MAP3K14: variants seen among roughly 807,000 people sequenced by gnomAD.
The protein encoded by MAP3K14 is NF-kappa-beta-inducing kinase.
A neutral mutation model predicts 99.2 loss-of-function variants in MAP3K14; 16 were observed. That is an observed-to-expected ratio of 0.16 (90% confidence interval 0.11 to 0.24). MAP3K14 has a LOEUF of 0.24. Among genes scored for constraint, MAP3K14 ranks in the 10% least tolerant of loss-of-function variants. The pLI, the probability that MAP3K14 is intolerant of heterozygous loss-of-function variation, is 1.00. For missense variants in MAP3K14, 784 were observed against 1,208.7 expected, an observed-to-expected ratio of 0.65 and a Z score of 5.21; for synonymous variants, 462 against 492.4, an observed-to-expected ratio of 0.94 and a Z score of 0.82.
rs1238013658 is a variant in MAP3K14, at chr17:45,304,052, G to A, written c.-21+12908C>T. Among the ~76,000 whole-genome samples, 8 of 128,350 alleles carry A rather than the reference G, an allele frequency of 6.2e-5. No individual in the cohort carries two copies. The South Asian group carries it at 1.4e-3, about 22-fold the overall frequency. The allele number at this position is 128,350 out of a possible 152,430, so 84.2% of individuals were successfully genotyped here. Reference sequence around the variant, plus strand: ...TTTTGAGACGGAGTCTCGCTCTGTCGCCCAGGCTGGAGCGCAGCAGCCCAT... The same window carrying A: ...TTTTGAGACGGAGTCTCGCTCTGTCACCCAGGCTGGAGCGCAGCAGCCCAT... On this transcript the variant is annotated intron_variant, in intron 1 of 15. Transcript: ENST00000344686.
At chr17:45,311,957 G>A (rs1040634674) in intron 1 of MAP3K14, among the ~76,000 whole-genome samples, 4 of 152,088 alleles carry the variant, frequency 2.6e-5, no homozygotes, top group African/African-American at 7.2e-5. Flanking sequence ...TCTGTGCCCC[G>A]TCCACGATCC....
At chr17:45,296,179 C>T (rs181412609) in intron 1 of MAP3K14, among the ~76,000 whole-genome samples, 78 of 152,154 alleles carry the variant, frequency 5.1e-4, no homozygotes, top group African/African-American at 1.8e-3. Context: ...TCTTTTAAGT[C>T]TTCAGCTTGC....
intron 1 of MAP3K14, 21 bp downstream of exon 1, chr17:45,316,939 G>C (rs1015747314): frequency 6.6e-6 from 1 of 152,034 alleles, no homozygotes; most frequent in Non-Finnish European, 1.5e-5. Context: ...CCGGGCCCCA[G>C]GGTCCCGCCC....
chr17:45,271,940 T>C (rs1374842941), intron 9 of MAP3K14, among the ~76,000 whole-genome samples: 1 of 152,230 alleles, frequency 6.6e-6, no homozygotes, highest in African/African-American at 2.4e-5. Flanking sequence ...CGTAAAAGAC[T>C]GAAAGGATAG....
chr17:45,288,323 A>G (rs1248498192), intron 3 of MAP3K14, among the ~76,000 whole-genome samples: 1 of 151,626 alleles, frequency 6.6e-6, no homozygotes, highest in African/African-American at 2.4e-5. Flanking sequence ...CCAAACTCCA[A>G]TGATACAAAA....
At chr17:45,316,577 A>ACGT (rs1345754039) in intron 1 of MAP3K14, among the ~76,000 whole-genome samples, 2 of 152,200 alleles carry the variant, frequency 1.3e-5, no homozygotes, top group Non-Finnish European at 2.9e-5. Flanking sequence ...TGCAGGAGAC[A>ACGT]CGTCCGCCCC....
In MAP3K14 at chr17:45,273,450, G is replaced by T. The variant is rs544735072; in HGVS notation, c.1657+53C>A. The T allele has an allele frequency of 2.1e-4, 283 of 1,351,914 alleles. No individual in the cohort carries two copies. The East Asian group carries it at 6.0e-3, about 29-fold the overall frequency. The allele number at this position is 1,351,914 out of a possible 1,614,324, so 83.7% of individuals were successfully genotyped here. A position where few individuals can be genotyped will look rare whatever the true frequency, so the allele number is the denominator to read the frequency against. On this transcript the variant is annotated intron_variant, in intron 9 of 15. Transcript: ENST00000344686. ...ATTCCCATTCTGGAAAGCATGGAAG[G>T]CATTTGGCGAATGAATGCATTGGGG...
chr17:45,307,273 A>T (rs1302329052), intron 1 of MAP3K14, among the ~76,000 whole-genome samples: 2 of 152,246 alleles, frequency 1.3e-5, no homozygotes, highest in African/African-American at 2.4e-5. Context: ...ATTAAAAAAA[A>T]AAATTAATTA....
At chr17:45,291,316 G>GTGTT (rs916050307) in intron 1 of MAP3K14, among the ~76,000 whole-genome samples, 6 of 152,118 alleles carry the variant, frequency 3.9e-5, no homozygotes, top group Non-Finnish European at 5.9e-5. Context: ...GTGTGTGTGT[G>GTGTT]TGTGTCCTAC....
intron 6 of MAP3K14, among the ~76,000 whole-genome samples, chr17:45,280,740 G>A (rs980451456): frequency 2.0e-5 from 3 of 151,850 alleles, no homozygotes; most frequent in African/African-American, 7.3e-5. Flanking sequence ...CTCCCGAGTA[G>A]TTAGTATTAC....
At chr17:45,282,838 T>C (rs2044234212) in intron 6 of MAP3K14, among the ~76,000 whole-genome samples, 1 of 152,190 alleles carries the variant, frequency 6.6e-6, no homozygotes, top group African/African-American at 2.4e-5. Flanking sequence ...CTCTTCCAGC[T>C]GAAAACCCTA....
chr17:45,265,516 C>A (rs1246333356), intron 14 of MAP3K14, among the ~76,000 whole-genome samples: 2 of 152,234 alleles, frequency 1.3e-5, no homozygotes, highest in African/African-American at 4.8e-5. Context: ...CAGTTCACTG[C>A]AACCTTTACC....
intron 1 of MAP3K14, chr17:45,291,067 C>A (rs2044306441): frequency 3.6e-6 from 1 of 279,400 alleles, no homozygotes; most frequent in Non-Finnish European, 6.9e-6. Context: ...GCACAAATGT[C>A]TGGGTTGGCT....
intron 1 of MAP3K14, among the ~76,000 whole-genome samples, chr17:45,293,367 G>T (rs539865038): frequency 1.4e-4 from 21 of 152,178 alleles, no homozygotes; most frequent in Non-Finnish European, 2.8e-4. Context: ...CTCCAGAGGG[G>T]GTGCAGGGCA....
rs1004905561 is a variant in MAP3K14, at chr17:45,264,227, G to C, written c.*409C>G. ...CCCTTACACACTTGACACTCTCACAGCAGCCTGGAGGGTGAGGGGCCGAGG... is the reference window on the plus strand; with the variant it reads ...CCCTTACACACTTGACACTCTCACACCAGCCTGGAGGGTGAGGGGCCGAGG... On this transcript the variant is annotated 3_prime_UTR_variant, in exon 16 of 16. Coordinates refer to ENST00000344686, the MANE Select transcript of MAP3K14 (RefSeq NM_003954.5). 6 of 170,486 alleles carry C rather than the reference G, an allele frequency of 3.5e-5. No individual in the cohort carries two copies. Among genetic ancestry groups the C allele is most frequent in the African/African-American group, 1.4e-4 (6 of 41,898 alleles). 10.6% of individuals were successfully genotyped at this position (170,486 alleles called of 1,614,324 possible).
At chr17:45,312,547 C>CA in intron 1 of MAP3K14, among the ~76,000 whole-genome samples, 1 of 151,770 alleles carries the variant, frequency 6.6e-6, no homozygotes, top group African/African-American at 2.4e-5. Flanking sequence ...TAACATGAAA[C>CA]TTTTTTTTTC....
At chr17:45,316,882 C>A (rs983140944) in intron 1 of MAP3K14, 78 bp downstream of exon 1, 1 of 151,958 alleles carries the variant, frequency 6.6e-6, no homozygotes, top group African/African-American at 2.4e-5. Context: ...CAGCCCAGCC[C>A]GGGGCTGAGA....
intron 1 of MAP3K14, among the ~76,000 whole-genome samples, chr17:45,315,810 C>G (rs1418516664): frequency 4.6e-5 from 7 of 152,148 alleles, no homozygotes; most frequent in African/African-American, 1.7e-4. Flanking sequence ...AAACAAGACA[C>G]TACAATCTGT....
chr17:45,295,933 T>C (rs537526660), intron 1 of MAP3K14, among the ~76,000 whole-genome samples: 134 of 152,302 alleles, frequency 8.8e-4, no homozygotes, highest in African/African-American at 2.6e-3. Flanking sequence ...CTTACCTAGT[T>C]CATGCAATGC....
Sources: gnomAD v4.1 joint callset for allele counts (sites outside exome capture counted in the v4.1 genomes callset) on GRCh38, gnomAD v4.1.1 for gene constraint, MANE v1.5 for transcripts, NCBI Gene and HGNC (gene_info 2026-07-23, HGNC 2026-07-21) for gene names.